The following CALN1 variants were observed in gnomAD, a reference collection of about 807,000 sequenced individuals.
The protein encoded by CALN1 is calcium-binding protein 8.
In CALN1, 17 loss-of-function variants were observed where a neutral mutation model predicts 30.6. The observed-to-expected ratio is 0.56, with a 90% CI of 0.38 to 0.83. CALN1 has a LOEUF of 0.83. CALN1 is among the 40% of genes least tolerant of loss of function. The pLI is 0.00. For synonymous variants in CALN1, 156 were observed against 131.4 expected (o/e 1.19, Z -1.28); for missense variants, 291 against 354.9 (o/e 0.82, Z 1.45).
At chr7:72,096,976 G>C (rs572675168) in intron 4 of CALN1, among the ~76,000 whole-genome samples, 3 of 152,296 alleles carry the variant, frequency 2.0e-5, no homozygotes, top group East Asian at 3.9e-4. Flanking sequence ...ATACTATGCA[G>C]CCATAAAAAA....
intron 2 of CALN1, among the ~76,000 whole-genome samples, chr7:72,358,243 C>G (rs998707819): frequency 6.6e-6 from 1 of 151,916 alleles, no homozygotes; most frequent in Non-Finnish European, 1.5e-5. Flanking sequence ...GACCCTTGAG[C>G]CTTGGCCTCC....
intron 5 of CALN1, among the ~76,000 whole-genome samples, chr7:71,929,367 T>C (rs1795432463): frequency 6.6e-6 from 1 of 152,198 alleles, no homozygotes; most frequent in Non-Finnish European, 1.5e-5. Flanking sequence ...CACTTACAAG[T>C]GAGAACATGC....
intron 4 of CALN1, among the ~76,000 whole-genome samples, chr7:72,033,603 G>A (rs1326282174): frequency 6.6e-6 from 1 of 152,010 alleles, no homozygotes; most frequent in East Asian, 1.9e-4. Context: ...GAATTGCAAA[G>A]GGAGATAAGC....
At chr7:72,430,064 G>A (rs1452732607) in intron 1 of CALN1, among the ~76,000 whole-genome samples, 1 of 150,996 alleles carries the variant, frequency 6.6e-6, no homozygotes, top group Non-Finnish European at 1.5e-5. Flanking sequence ...CAGGTGATCT[G>A]CCCACCTTGG....
At chr7:72,327,710 T>C (rs1331914115) in intron 2 of CALN1, among the ~76,000 whole-genome samples, 2 of 152,220 alleles carry the variant, frequency 1.3e-5, no homozygotes, top group East Asian at 1.9e-4. Flanking sequence ...GGGAAAGCAA[T>C]AATGTTTAAA....
intron 5 of CALN1, among the ~76,000 whole-genome samples, chr7:72,007,910 C>G (rs1381500683): frequency 2.6e-5 from 4 of 152,066 alleles, no homozygotes; most frequent in Admixed American, 6.6e-5. Flanking sequence ...ATGAATGAAT[C>G]AATCAAATAA....
At chr7:71,832,316 T>C (rs1789335979) in intron 5 of CALN1, among the ~76,000 whole-genome samples, 1 of 152,212 alleles carries the variant, frequency 6.6e-6, no homozygotes, top group Non-Finnish European at 1.5e-5. Flanking sequence ...ATTGAATATC[T>C]TCAGATAGAG....
intron 4 of CALN1, among the ~76,000 whole-genome samples, chr7:72,031,734 ATTTTTTTT>A (rs544026184): frequency 7.8e-5 from 9 of 114,684 alleles, no homozygotes; most frequent in Admixed American, 5.9e-4. Context: ...CGCCTGGCTA[ATTTTTTTT>A]TTTTTTTTTT....
At chr7:72,464,792 C>A in the CALN1 span, among the ~76,000 whole-genome samples, 1 of 152,186 alleles carries the variant, frequency 6.6e-6, no homozygotes. Flanking sequence ...TAGATCCTTC[C>A]TTTTTAGTCC....
intron 5 of CALN1, among the ~76,000 whole-genome samples, chr7:71,971,175 G>A (rs376540338): frequency 1.3e-4 from 20 of 152,216 alleles, no homozygotes; most frequent in Admixed American, 9.2e-4. Context: ...GAGGCCAGGC[G>A]TGGTGGCTCA....
At chr7:72,104,798 A>G (rs1806961139) in intron 4 of CALN1, among the ~76,000 whole-genome samples, 1 of 152,000 alleles carries the variant, frequency 6.6e-6, no homozygotes, top group Admixed American at 6.6e-5. Context: ...CTCTACTAAA[A>G]ACACAAAAAT....
intron 3 of CALN1, among the ~76,000 whole-genome samples, chr7:72,209,410 C>T (rs939670790): frequency 1.2e-5 from 1 of 81,450 alleles, no homozygotes; most frequent in African/African-American, 7.5e-5. Flanking sequence ...CTTTCCTTCC[C>T]TCCTTCCCTC....
intron 4 of CALN1, among the ~76,000 whole-genome samples, chr7:72,055,996 G>C (rs951357049): frequency 4.6e-5 from 7 of 152,040 alleles, no homozygotes; most frequent in Admixed American, 2.6e-4. Context: ...ATCCAGCTGG[G>C]GCAACAGAGC....
At chr7:72,268,780 G>C (rs561051239) in intron 3 of CALN1, among the ~76,000 whole-genome samples, 1 of 104,664 alleles carries the variant, frequency 9.6e-6, no homozygotes, top group African/African-American at 3.1e-5. Flanking sequence ...CTGGGCAACA[G>C]AGCAAGACCC....
At chr7:71,868,892 C>A (rs1791755869) in intron 5 of CALN1, among the ~76,000 whole-genome samples, 1 of 152,096 alleles carries the variant, frequency 6.6e-6, no homozygotes, top group African/African-American at 2.4e-5. Context: ...GTGTTTGTAG[C>A]CTAAGAATAG....
At chr7:72,467,442 C>T in the CALN1 span, among the ~76,000 whole-genome samples, 3 of 152,162 alleles carry the variant, frequency 2.0e-5, no homozygotes, top group South Asian at 4.1e-4. Context: ...TCGGCCAGGA[C>T]TCCTGGGCCA....
At chr7:72,383,784 A>G (rs1220474096) in intron 2 of CALN1, among the ~76,000 whole-genome samples, 3 of 152,198 alleles carry the variant, frequency 2.0e-5, no homozygotes, top group Non-Finnish European at 4.4e-5. Flanking sequence ...TTTCCAATCC[A>G]TAGTGCAGCT....
chr7:71,789,560 C>T lies in CALN1; in HGVS notation c.659-1658G>A, dbSNP rs74559230. Among the ~76,000 whole-genome samples the T allele has an allele frequency of 3.3e-3, 503 of 152,200 alleles. 9 individuals carry two copies. The East Asian group carries it at 0.072, about 22-fold the overall frequency. On this transcript the variant is annotated intron_variant, in intron 6 of 6. Coordinates refer to ENST00000395275, the MANE Select transcript of CALN1 (RefSeq NM_031468.4). The stretch of plus-strand genomic sequence containing the variant: ...AAGTTGGGGAAGTGGGGATTGCTTG[C>T]TCTGGGCAGCACCAATGTGAAGATA...
rs1368096839 is a variant in CALN1, at chr7:71,781,917, T to A, written c.*5858A>T. On this transcript the variant is annotated 3_prime_UTR_variant, in exon 7 of 7. Coordinates refer to ENST00000395275, the MANE Select transcript of CALN1 (RefSeq NM_031468.4). ...GAAAAACCTCATTCTTTGTGATATA[T>A]TTCCAGTCAACGGAATAAAATTAAT... is the stretch of plus-strand genomic sequence containing the variant. 3 of 152,192 alleles carry A rather than the reference T, an allele frequency of 2.0e-5. No individual in the cohort carries two copies. Among genetic ancestry groups the A allele is most frequent in the African/African-American group, 7.2e-5 (3 of 41,432 alleles). The allele number at this position is 152,192 out of a possible 1,614,324, so 9.4% of individuals were successfully genotyped here. A position where few individuals can be genotyped will look rare whatever the true frequency, so the allele number is the denominator to read the frequency against.
Sources: allele counts gnomAD v4.1 joint callset (sites outside exome capture counted in the v4.1 genomes callset), GRCh38; gene constraint gnomAD v4.1.1; transcripts MANE v1.5; gene names NCBI Gene and HGNC (gene_info 2026-07-23, HGNC 2026-07-21).